PDGFRL: variants seen among roughly 807,000 people sequenced by gnomAD.
PDGFRL encodes the protein platelet-derived growth factor receptor-like protein.
A neutral mutation model predicts 37.2 loss-of-function variants in PDGFRL; 46 were observed. That is an observed-to-expected ratio of 1.24 (90% confidence interval 0.98 to 1.58). The LOEUF is 1.58. Among genes scored for constraint, PDGFRL ranks in the 40% most tolerant of loss-of-function variants. The pLI is 0.00. For missense variants in PDGFRL, 692 were observed against 467.6 expected, an observed-to-expected ratio of 1.48 and a Z score of -4.43; for synonymous variants, 251 against 184.3, an observed-to-expected ratio of 1.36 and a Z score of -2.93.
chr8:17,586,000 G>A (rs1021981863), intron 1 of PDGFRL, among the ~76,000 whole-genome samples: 1 of 152,090 alleles, frequency 6.6e-6, no homozygotes, highest in South Asian at 2.1e-4. Context: ...TGCCCAGGCT[G>A]GAGTGCAGTG....
chr8:17,596,417 G>T, intron 2 of PDGFRL: 1 of 685,906 alleles, frequency 1.5e-6, no homozygotes, highest in Non-Finnish European at 2.0e-6. Flanking sequence ...ATTCACCAAA[G>T]TCAGATTCAT....
intron 3 of PDGFRL, among the ~76,000 whole-genome samples, chr8:17,627,518 G>A (rs1804757260): frequency 6.6e-6 from 1 of 151,298 alleles, no homozygotes; most frequent in African/African-American, 2.4e-5. Flanking sequence ...CCAGGCTGGA[G>A]TGCAGTGGCA....
intron 2 of PDGFRL, among the ~76,000 whole-genome samples, chr8:17,602,684 G>A (rs1347785704): frequency 2.6e-5 from 4 of 152,264 alleles, no homozygotes; most frequent in Admixed American, 1.3e-4. Context: ...ATTTGGAAAG[G>A]AGAGCTCTGT....
intron 2 of PDGFRL, among the ~76,000 whole-genome samples, chr8:17,607,803 T>C (rs1804315226): frequency 6.6e-6 from 1 of 152,314 alleles, no homozygotes; most frequent in Middle Eastern, 3.4e-3. Flanking sequence ...TTGAAAGATA[T>C]GTCAAAGGAG....
chr8:17,576,645 T>C (rs1803586190), upstream of PDGFRL: 2 of 904,726 alleles, frequency 2.2e-6, no homozygotes, highest in South Asian at 5.2e-5. Context: ...TTTTCCACGT[T>C]ATTCCTGTAA....
chr8:17,625,286 G>A (rs1804711351), intron 3 of PDGFRL, among the ~76,000 whole-genome samples: 1 of 152,214 alleles, frequency 6.6e-6, no homozygotes, highest in East Asian at 1.9e-4. Context: ...CGAGTAGCTG[G>A]GATTACAGGC....
At chr8:17,636,301 G>T (rs753627550) in intron 5 of PDGFRL, among the ~76,000 whole-genome samples, 5 of 103,246 alleles carry the variant, frequency 4.8e-5, no homozygotes, top group Non-Finnish European at 4.5e-5. Context: ...TAAGGTGAAA[G>T]ATAAGGATTC....
chr8:17,588,445 C>A (rs2588157), intron 1 of PDGFRL, among the ~76,000 whole-genome samples: 1 of 151,644 alleles, frequency 6.6e-6, no homozygotes, highest in Non-Finnish European at 1.5e-5. Flanking sequence ...GGGAGGCCTA[C>A]GTGGGAGGGT....
At chr8:17,633,177 C>G (rs771872733) in intron 4 of PDGFRL, among the ~76,000 whole-genome samples, 1 of 152,144 alleles carries the variant, frequency 6.6e-6, no homozygotes, top group African/African-American at 2.4e-5. Context: ...ACCTGTAATC[C>G]CAGCACTATG....
chr8:17,603,128 G>T lies in PDGFRL; in HGVS notation c.353+13363G>T, dbSNP rs144578370. Among the ~76,000 whole-genome samples, 453 of 152,194 alleles carry T rather than the reference G, an allele frequency of 3.0e-3. 1 individual carries two copies. The highest frequency in any genetic ancestry group is 0.01 in the African/African-American group (419 of 41,516). ...CTCTCAAGTAGCTGAGGTTACAGGC[G>T]TGCGCCACCAAGCTTGGCTAATTTT... On this transcript the variant is annotated intron_variant, in intron 2 of 5. Transcript: ENST00000251630.
intron 2 of PDGFRL, among the ~76,000 whole-genome samples, chr8:17,602,472 A>C (rs901771054): frequency 1.3e-5 from 2 of 152,084 alleles, no homozygotes; most frequent in African/African-American, 4.8e-5. Flanking sequence ...GGCAAGAGAG[A>C]GTAATCATCG....
At chr8:17,640,936 G>A (rs1000730112) in intron 5 of PDGFRL, among the ~76,000 whole-genome samples, 6 of 151,984 alleles carry the variant, frequency 3.9e-5, no homozygotes, top group Non-Finnish European at 5.9e-5. Flanking sequence ...CTCTCCTTGG[G>A]CGGGTCTTGC....
At chr8:17,598,459 G>C (rs57804299) in intron 2 of PDGFRL, among the ~76,000 whole-genome samples, 3,464 of 152,220 alleles carry the variant, frequency 0.023, 111 homozygotes, top group African/African-American at 0.067. Context: ...ACATACCAGA[G>C]CTCAGGAAGT....
chr8:17,615,058 G>T (rs1357417837), intron 2 of PDGFRL, among the ~76,000 whole-genome samples: 1 of 152,154 alleles, frequency 6.6e-6, no homozygotes, highest in Non-Finnish European at 1.5e-5. Flanking sequence ...ATTAAACACT[G>T]CTTAAGTTTC....
At chr8:17,635,313 C>A (rs1484199763) in intron 5 of PDGFRL, among the ~76,000 whole-genome samples, 2 of 151,986 alleles carry the variant, frequency 1.3e-5, no homozygotes, top group East Asian at 3.9e-4. Context: ...CCTGAATCCC[C>A]AAAGTTCATT....
At chr8:17,589,343 G>C in intron 1 of PDGFRL, 125 bp from the exon 2 acceptor site, 1 of 715,068 alleles carries the variant, frequency 1.4e-6, no homozygotes. Flanking sequence ...CTGAGATTAT[G>C]CCACTGCCCT....
intron 1 of PDGFRL, among the ~76,000 whole-genome samples, chr8:17,584,477 G>C (rs1803773947): frequency 6.6e-6 from 1 of 152,066 alleles, no homozygotes; most frequent in Admixed American, 6.5e-5. Context: ...GTCACTTAGA[G>C]AGTGAAGAGT....
chr8:17,622,223 T>G (rs759902020), intron 3 of PDGFRL, among the ~76,000 whole-genome samples: 1 of 152,230 alleles, frequency 6.6e-6, no homozygotes, highest in Non-Finnish European at 1.5e-5. Flanking sequence ...TTCTGAAGTT[T>G]AGGGGATGAA....
chr8:17,626,168 C>G (rs1300717417), intron 3 of PDGFRL, among the ~76,000 whole-genome samples: 1 of 152,200 alleles, frequency 6.6e-6, no homozygotes, highest in Non-Finnish European at 1.5e-5. Context: ...AAAACATCTT[C>G]AATATTATCC....
Sources: gnomAD v4.1 joint callset for allele counts (sites outside exome capture counted in the v4.1 genomes callset) on GRCh38, gnomAD v4.1.1 for gene constraint, MANE v1.5 for transcripts, NCBI Gene and HGNC (gene_info 2026-07-23, HGNC 2026-07-21) for gene names.